Variants in DLG2 observed in about 807,000 individuals in gnomAD.
DLG2 encodes the protein disks large homolog 2.
DLG2 carries 45 observed loss-of-function variants against 132.5 expected under a neutral mutation model. That is an observed-to-expected ratio of 0.34 (90% CI 0.27 to 0.44). The LOEUF (loss-of-function observed/expected upper bound fraction) is 0.44. DLG2 is among the 20% of genes least tolerant of loss of function. DLG2 has a pLI of 1.00. For missense variants in DLG2, 1,045 were observed against 1,196.9 expected, an observed-to-expected ratio of 0.87 and a Z score of 1.87; for synonymous variants, 424 against 419.6, an observed-to-expected ratio of 1.01 and a Z score of -0.13.
At chr11:84,308,628 C>T (rs548861166) in intron 7 of DLG2, among the ~76,000 whole-genome samples, 1 of 152,154 alleles carries the variant, frequency 6.6e-6, no homozygotes, top group Non-Finnish European at 1.5e-5. Flanking sequence ...AGGCTCCGGC[C>T]GCACAGGAGC....
chr11:84,798,207 T>A (rs1359747070), intron 6 of DLG2, among the ~76,000 whole-genome samples: 2 of 152,242 alleles, frequency 1.3e-5, no homozygotes, highest in Admixed American at 6.5e-5. Flanking sequence ...GTCCTAAGGC[T>A]CTAGAATCAG....
intron 6 of DLG2, among the ~76,000 whole-genome samples, chr11:84,968,640 A>T (rs2053641299): frequency 1.3e-5 from 2 of 152,198 alleles, no homozygotes; most frequent in South Asian, 4.1e-4. Flanking sequence ...ATGATTTTTG[A>T]AGACTATGGT....
chr11:85,462,319 A>G (rs976673406), intron 3 of DLG2, among the ~76,000 whole-genome samples: 2 of 152,240 alleles, frequency 1.3e-5, no homozygotes, highest in African/African-American at 2.4e-5. Flanking sequence ...CCAAAGGATT[A>G]TAAATCATGC....
rs1464347480 is a variant in DLG2 at position 84,362,616 on chromosome 11, G to A, written c.520-111325C>T. On this transcript the variant is annotated intron_variant, in intron 7 of 27. Transcript: ENST00000376104. ...GCTGGTGCGCTGCACCCACTAACTCGTCATCTAGCATTAGGTATGTCTCCC... is the reference window on the plus strand; with the variant it reads ...GCTGGTGCGCTGCACCCACTAACTCATCATCTAGCATTAGGTATGTCTCCC... Among the ~76,000 whole-genome samples, 8 of 151,690 alleles carry A rather than the reference G, an allele frequency of 5.3e-5. No homozygotes were observed. The East Asian group carries it at 9.7e-4, about 18-fold the overall frequency.
chr11:84,831,316 C>T (rs781098105), intron 6 of DLG2, among the ~76,000 whole-genome samples: 1 of 151,554 alleles, frequency 6.6e-6, no homozygotes, highest in Non-Finnish European at 1.5e-5. Flanking sequence ...TTACGAATAG[C>T]TGCTACTTAT....
At chr11:84,871,465 C>G (rs377019912) in intron 6 of DLG2, among the ~76,000 whole-genome samples, 9 of 152,242 alleles carry the variant, frequency 5.9e-5, no homozygotes, top group African/African-American at 2.2e-4. Flanking sequence ...GTAACATAGG[C>G]TTTTTGTTTG....
intron 18 of DLG2, among the ~76,000 whole-genome samples, chr11:83,756,576 T>C (rs1186465122): frequency 6.6e-6 from 1 of 151,454 alleles, no homozygotes; most frequent in Admixed American, 6.6e-5. Context: ...CTTACATCTT[T>C]ATTTCTCAGA....
chr11:84,542,972 A>G (rs2099380794), intron 6 of DLG2, among the ~76,000 whole-genome samples: 3 of 152,234 alleles, frequency 2.0e-5, no homozygotes, highest in Admixed American at 2.0e-4. Context: ...TCCTTTTTCC[A>G]TGATGCCTCA....
At chr11:85,396,329 G>A (rs1365120280) in intron 3 of DLG2, among the ~76,000 whole-genome samples, 1 of 152,124 alleles carries the variant, frequency 6.6e-6, no homozygotes, top group African/African-American at 2.4e-5. Context: ...AGAAACAAGA[G>A]CAGAAAAGCT....
At chr11:84,163,334 T>C in intron 9 of DLG2, 127 bp downstream of exon 9, 1 of 752,750 alleles carries the variant, frequency 1.3e-6, no homozygotes, top group Non-Finnish European at 2.1e-6. Context: ...ATTCTCATTG[T>C]GAGTCCTGTG....
intron 6 of DLG2, among the ~76,000 whole-genome samples, chr11:85,105,907 G>T (rs1334676615): frequency 1.3e-5 from 2 of 151,308 alleles, no homozygotes; most frequent in African/African-American, 4.9e-5. Context: ...GAGTGCCATG[G>T]TCTGTGTATT....
chr11:83,979,992 G>T (rs1387848164), intron 12 of DLG2, among the ~76,000 whole-genome samples: 1 of 152,138 alleles, frequency 6.6e-6, no homozygotes, highest in Non-Finnish European at 1.5e-5. Context: ...CATTGTACAT[G>T]TACTTTTGAA....
chr11:84,778,119 T>A (rs1317232196), intron 6 of DLG2, among the ~76,000 whole-genome samples: 1 of 152,190 alleles, frequency 6.6e-6, no homozygotes, highest in Non-Finnish European at 1.5e-5. Flanking sequence ...CCATCTTGAG[T>A]TGATTTTGGT....
intron 6 of DLG2, among the ~76,000 whole-genome samples, chr11:84,794,864 G>A (rs2074352352): frequency 6.6e-6 from 1 of 152,244 alleles, no homozygotes; most frequent in Non-Finnish European, 1.5e-5. Context: ...AGGTGGGGCT[G>A]AGGGCAGCTC....
At chr11:85,267,147 A>T (rs2077263681) in intron 4 of DLG2, among the ~76,000 whole-genome samples, 1 of 152,234 alleles carries the variant, frequency 6.6e-6, no homozygotes, top group African/African-American at 2.4e-5. Flanking sequence ...ATGAGGGTAG[A>T]GTAATCATGA....
At chr11:84,820,367 C>A (rs755159685) in intron 6 of DLG2, among the ~76,000 whole-genome samples, 43 of 151,948 alleles carry the variant, frequency 2.8e-4, no homozygotes, top group Admixed American at 1.3e-4. Flanking sequence ...TTTCCAGTTT[C>A]TTTCTGTTCC....
intron 17 of DLG2, among the ~76,000 whole-genome samples, chr11:83,818,182 C>T (rs1212822669): frequency 6.6e-6 from 1 of 152,162 alleles, no homozygotes; most frequent in East Asian, 1.9e-4. Context: ...TTAAACTCCT[C>T]ATCCCGTTTA....
chr11:85,042,615 G>T (rs1250923796), intron 6 of DLG2, among the ~76,000 whole-genome samples: 3 of 151,934 alleles, frequency 2.0e-5, no homozygotes, highest in Non-Finnish European at 4.4e-5. Flanking sequence ...AAGAATGCTT[G>T]ACACAAAAAG....
In DLG2 at chr11:83,727,872, G is replaced by A. The variant is rs141685469; in HGVS notation, c.1825+58818C>T. ...CAAACAAAAGGAAGTTCTCTGTAAA[G>A]TTAAAAGTTTAGTTCAAATTTTAAA... On this transcript the variant is annotated intron_variant, in intron 18 of 27. Transcript: ENST00000376104. Among the ~76,000 whole-genome samples, 398 of 152,276 alleles carry A rather than the reference G, an allele frequency of 2.6e-3. 1 individual carries two copies. The highest frequency in any genetic ancestry group is 4.4e-3 in the Non-Finnish European group (301 of 68,014).
Sources: allele counts gnomAD v4.1 joint callset (sites outside exome capture counted in the v4.1 genomes callset), GRCh38; gene constraint gnomAD v4.1.1; transcripts MANE v1.5; gene names NCBI Gene and HGNC (gene_info 2026-07-23, HGNC 2026-07-21).